Variants in USP6NL observed in about 807,000 individuals in gnomAD.
USP6NL encodes USP6 N-terminal like, also known as USP6 N-terminal-like protein.
In USP6NL, 26 loss-of-function variants were observed where a neutral mutation model predicts 61.9. That is an observed-to-expected ratio of 0.42 (90% confidence interval 0.31 to 0.58). The LOEUF is 0.58. USP6NL is among the 20% of genes least tolerant of loss of function. The pLI is 0.16. For synonymous variants in USP6NL, 432 were observed against 390.1 expected (o/e 1.11, Z -1.27); for missense variants, 1,114 against 1,034.3 (o/e 1.08, Z -1.06).
chr10:11,494,169 A>G (rs1419931218), intron 7 of USP6NL, among the ~76,000 whole-genome samples: 1 of 152,154 alleles, frequency 6.6e-6, no homozygotes, highest in African/African-American at 2.4e-5. Context: ...TTTTGCTCAA[A>G]AGGCACAGCT....
At chr10:11,517,887 C>T (rs1251492795) in intron 5 of USP6NL, among the ~76,000 whole-genome samples, 15 of 152,160 alleles carry the variant, frequency 9.9e-5, no homozygotes, top group Admixed American at 9.8e-4. Context: ...TTTTCTGGTA[C>T]AGAAACAGTG....
Position 11,476,746 on chromosome 10 carries a change from C to T in USP6NL, c.1078+5024G>A, listed in dbSNP as rs1832981807. ...GGTAGACAGTGTATGTAGATTATAA[C>T]AATGATAAAAAACTACATGTCAAAA... On this transcript the variant is annotated intron_variant, in intron 14 of 14. Coordinates refer to ENST00000609104, the MANE Select transcript of USP6NL (RefSeq NM_014688.5). The surrounding 1 kb of genome is among the most constrained non-coding windows in gnomAD (Gnocchi z 4.3). Among the ~76,000 whole-genome samples the T allele has an allele frequency of 6.6e-6, 1 of 152,104 alleles. No homozygotes were observed. The highest frequency in any genetic ancestry group is 2.4e-5 in the African/African-American group (1 of 41,402).
intron 2 of USP6NL, among the ~76,000 whole-genome samples, chr10:11,527,932 C>T (rs746495808): frequency 1.3e-5 from 2 of 152,060 alleles, no homozygotes; most frequent in Non-Finnish European, 2.9e-5. Context: ...TTCAAAACGG[C>T]TTTTAAAAAG....
At chr10:11,467,291 C>T (rs1832512539) in intron 14 of USP6NL, among the ~76,000 whole-genome samples, 1 of 152,160 alleles carries the variant, frequency 6.6e-6, no homozygotes, top group Admixed American at 6.5e-5. Flanking sequence ...AAGAAAAGAG[C>T]AGGTAAATAT....
chr10:11,480,485 A>G (rs879477824), intron 14 of USP6NL, among the ~76,000 whole-genome samples: 6 of 152,356 alleles, frequency 3.9e-5, no homozygotes, highest in Non-Finnish European at 8.8e-5. Context: ...TGATAGTAGA[A>G]AACAGAAGTC....
rs1834168497 is a variant in USP6NL at position 11,501,090 on chromosome 10, T to G, written c.384+11A>C. 3.8e-6 allele frequency: 6 copies of G among 1,560,872 alleles called. No individual in the cohort carries two copies. The highest frequency in any genetic ancestry group is 5.2e-6 in the Non-Finnish European group (6 of 1,157,894). The stretch of plus-strand genomic sequence containing the variant: ...TAATTTCAAAATAACAAGTTAGCTT[T>G]AGCTACTCACACTATACAGGTCCCT... On this transcript the variant is annotated intron_variant, in intron 7 of 14. Transcript: ENST00000609104.
Position 11,495,658 on chromosome 10 carries a change from T to C in USP6NL, c.385-2430A>G, listed in dbSNP as rs1278061491. On this transcript the variant is annotated intron_variant, in intron 7 of 14. Transcript: ENST00000609104. This position sits in a 1 kb window ranked among gnomAD's most constrained non-coding sequence, Gnocchi z 4.6. Reference sequence around the variant, plus strand: ...TGTTGTTTTTGAGTGTTCCTTTTTATAGCATTCTATACTTGTTTTATGGAT... The same window carrying C: ...TGTTGTTTTTGAGTGTTCCTTTTTACAGCATTCTATACTTGTTTTATGGAT... Among the ~76,000 whole-genome samples the C allele has an allele frequency of 6.6e-6, 1 of 152,240 alleles. No homozygotes were observed. The highest frequency in any genetic ancestry group is 2.4e-5 in the African/African-American group (1 of 41,470).
At position 11,513,821 on chromosome 10, in the gene USP6NL, G is replaced by A. The variant is rs1834832733; in HGVS notation, c.196-4146C>T. ...TTATAGCTGGTTTTTTCTGTGGTGTGGGCAACTCGGAATCCAATCATGCAT... is the reference window on the plus strand; with the variant it reads ...TTATAGCTGGTTTTTTCTGTGGTGTAGGCAACTCGGAATCCAATCATGCAT... On this transcript the variant is annotated intron_variant, in intron 5 of 14. Coordinates refer to ENST00000609104, the MANE Select transcript of USP6NL (RefSeq NM_014688.5). The surrounding 1 kb of genome is among the most constrained non-coding windows in gnomAD (Gnocchi z 4.7). 6.6e-6 allele frequency among the ~76,000 whole-genome samples: 1 copy of A among 152,158 alleles called. No homozygotes were observed. The highest frequency in any genetic ancestry group is 2.4e-5 in the African/African-American group (1 of 41,444).
chr10:11,533,039 C>T (rs1408393976), intron 2 of USP6NL, among the ~76,000 whole-genome samples: 1 of 152,178 alleles, frequency 6.6e-6, no homozygotes, highest in Non-Finnish European at 1.5e-5. Flanking sequence ...AAAGTAACAT[C>T]CCTGTTAGAG....
chr10:11,554,117 T>C (rs565722386), intron 2 of USP6NL, among the ~76,000 whole-genome samples: 10 of 152,242 alleles, frequency 6.6e-5, no homozygotes, highest in Admixed American at 3.3e-4. Context: ...CACATTTGTA[T>C]TGCAGACAGA....
At chr10:11,492,760 A>C (rs1288174502) in intron 8 of USP6NL, among the ~76,000 whole-genome samples, 1 of 152,204 alleles carries the variant, frequency 6.6e-6, no homozygotes, top group Non-Finnish European at 1.5e-5. Flanking sequence ...CTTTTTTAAA[A>C]AAAGTTTCAT....
chr10:11,594,512 A>C (rs903552424), intron 2 of USP6NL, among the ~76,000 whole-genome samples: 2 of 152,188 alleles, frequency 1.3e-5, no homozygotes, highest in African/African-American at 2.4e-5. Context: ...AACTTCCTAG[A>C]ATGTAAATGA....
chr10:11,489,360 TA>T lies in USP6NL; in HGVS notation c.544-139del. On this transcript the variant is annotated intron_variant, in intron 9 of 14. Transcript: ENST00000609104. This position sits in a 1 kb window ranked among gnomAD's most constrained non-coding sequence, Gnocchi z 5.7. ...TGGTCCATTCTAGAGACAAATACTA[TA>T]CTCTTTACAGTATTATGCCACATAA... The T allele has an allele frequency of 9.0e-7, 1 of 1,116,406 alleles. No homozygotes were observed. Among genetic ancestry groups the T allele is most frequent in the Non-Finnish European group, 1.2e-6 (1 of 812,260 alleles). 69.2% of individuals were successfully genotyped at this position (1,116,406 alleles called of 1,614,324 possible).
chr10:11,544,893 T>C (rs1836217630), intron 2 of USP6NL, among the ~76,000 whole-genome samples: 1 of 152,176 alleles, frequency 6.6e-6, no homozygotes, highest in Non-Finnish European at 1.5e-5. Context: ...TTAAAAATCA[T>C]GAAGCAAAAT....
chr10:11,551,704 T>A (rs185260432), intron 2 of USP6NL, among the ~76,000 whole-genome samples: 1 of 152,234 alleles, frequency 6.6e-6, no homozygotes, highest in South Asian at 2.1e-4. Flanking sequence ...CACTTAACTA[T>A]GTTTAACGTC....
At position 11,525,553 on chromosome 10, in the gene USP6NL, C is replaced by T; in HGVS notation, c.73-85G>A. 1 of 1,194,024 alleles carries T rather than the reference C, an allele frequency of 8.4e-7. No homozygotes were observed. The highest frequency in any genetic ancestry group is 1.1e-6 in the Non-Finnish European group (1 of 870,666). The allele number at this position is 1,194,024 out of a possible 1,614,324, so 74.0% of individuals were successfully genotyped here. A position where few individuals can be genotyped will look rare whatever the true frequency, so the allele number is the denominator to read the frequency against. ...AAATAAAAGGACGAAGAAATAAGAG[C>T]TATTTTTAATGTATTACTAAAAATA... On this transcript the variant is annotated intron_variant, in intron 3 of 14. Transcript: ENST00000609104. The surrounding 1 kb of genome is among the most constrained non-coding windows in gnomAD (Gnocchi z 5.0).
intron 14 of USP6NL, among the ~76,000 whole-genome samples, chr10:11,475,596 CAAAAAAAA>C (rs35589300): frequency 1.7e-3 from 65 of 38,708 alleles, no homozygotes; most frequent in Non-Finnish European, 2.4e-3. Context: ...AACTCTGTCG[CAAAAAAAA>C]AAAAAAAAAA....
At chr10:11,477,562 T>C (rs1566119881) in intron 14 of USP6NL, among the ~76,000 whole-genome samples, 1 of 152,184 alleles carries the variant, frequency 6.6e-6, no homozygotes, top group African/African-American at 2.4e-5. Flanking sequence ...TTTAATACTA[T>C]GTAAAAGTTC....
chr10:11,591,244 G>A lies in USP6NL; in HGVS notation c.4+6387C>T, dbSNP rs2133642676. Among the ~76,000 whole-genome samples, 1 of 152,224 alleles carries A rather than the reference G, an allele frequency of 6.6e-6. No individual in the cohort carries two copies. Among genetic ancestry groups the A allele is most frequent in the Admixed American group, 6.5e-5 (1 of 15,300 alleles). On this transcript the variant is annotated intron_variant, in intron 2 of 14. Coordinates refer to ENST00000609104, the MANE Select transcript of USP6NL (RefSeq NM_014688.5). The surrounding 1 kb of genome is among the most constrained non-coding windows in gnomAD (Gnocchi z 4.7). ...AATTCGAAATAGTTCTCTTAAGAAT[G>A]GAGAGTCTCTTGAAACTATTATAAA... is the stretch of plus-strand genomic sequence containing the variant.
Sources: allele counts gnomAD v4.1 joint callset (sites outside exome capture counted in the v4.1 genomes callset), GRCh38; gene constraint gnomAD v4.1.1; non-coding constraint Gnocchi (gnomAD v3.1); transcripts MANE v1.5; gene names NCBI Gene and HGNC (gene_info 2026-07-23, HGNC 2026-07-21).